The following FOXN3 variants were observed in gnomAD, a reference collection of about 807,000 sequenced individuals.
The protein encoded by FOXN3 is forkhead box N3.
A neutral mutation model predicts 38.4 loss-of-function variants in FOXN3; 7 were observed. That is an observed-to-expected ratio of 0.18 (90% CI 0.10 to 0.34). FOXN3 has a LOEUF of 0.34. Ranked by LOEUF, FOXN3 falls within the 10% of genes least tolerant of loss-of-function variation. The pLI is 1.00. For synonymous variants in FOXN3, 230 were observed against 242.2 expected (o/e 0.95, Z 0.47); for missense variants, 456 against 613.4 (o/e 0.74, Z 2.71).
intron 4 of FOXN3, among the ~76,000 whole-genome samples, chr14:89,231,363 C>T (rs1259110349): frequency 1.3e-5 from 2 of 152,172 alleles, no homozygotes; most frequent in African/African-American, 2.4e-5. Flanking sequence ...CCAAGAGAGA[C>T]ACTAGCTGGC....
chr14:89,171,852 C>T (rs375445129), intron 5 of FOXN3, among the ~76,000 whole-genome samples: 16 of 152,190 alleles, frequency 1.1e-4, no homozygotes, highest in African/African-American at 3.4e-4. Context: ...GTTATCATAA[C>T]TTCTATTCAG....
intron 1 of FOXN3, among the ~76,000 whole-genome samples, chr14:89,489,998 C>T (rs894074265): frequency 4.6e-5 from 7 of 152,220 alleles, no homozygotes; most frequent in Non-Finnish European, 5.9e-5. Context: ...AGGAGTAAAA[C>T]GTAATGCCAA....
At chr14:89,516,052 A>G (rs1301791475) in intron 1 of FOXN3, among the ~76,000 whole-genome samples, 1 of 152,212 alleles carries the variant, frequency 6.6e-6, no homozygotes, top group Non-Finnish European at 1.5e-5. Flanking sequence ...GAAAAAAGCA[A>G]TTAAACATTC....
chr14:89,416,152 A>C (rs1303341018), intron 1 of FOXN3, among the ~76,000 whole-genome samples: 1 of 152,002 alleles, frequency 6.6e-6, no homozygotes, highest in Non-Finnish European at 1.5e-5. Flanking sequence ...CACGCGCTTC[A>C]CTCTCGTCTA....
chr14:89,234,281 G>A (rs1281156221), intron 4 of FOXN3, among the ~76,000 whole-genome samples: 1 of 152,218 alleles, frequency 6.6e-6, no homozygotes, highest in Non-Finnish European at 1.5e-5. Flanking sequence ...GAGGCTAGAA[G>A]TCCAAAATCA....
intron 4 of FOXN3, among the ~76,000 whole-genome samples, chr14:89,198,052 C>T (rs1456430812): frequency 6.6e-6 from 1 of 152,142 alleles, no homozygotes; most frequent in Admixed American, 6.5e-5. Context: ...GGGTTCTGTA[C>T]CTGTGGTTTC....
At chr14:89,600,027 C>G (rs1896127233) in intron 1 of FOXN3, among the ~76,000 whole-genome samples, 1 of 152,228 alleles carries the variant, frequency 6.6e-6, no homozygotes, top group African/African-American at 2.4e-5. Context: ...CCCACCAACC[C>G]AGATCTTGGT....
chr14:89,299,693 G>C (rs1423916401), intron 3 of FOXN3, among the ~76,000 whole-genome samples: 1 of 152,186 alleles, frequency 6.6e-6, no homozygotes, highest in Non-Finnish European at 1.5e-5. Flanking sequence ...GGACCAGGTG[G>C]CCAAGTCTGG....
In FOXN3 at chr14:89,602,446, T is replaced by G. The variant is rs144759201; in HGVS notation, c.-15+16582A>C. On this transcript the variant is annotated intron_variant, in intron 1 of 6. Transcript: ENST00000345097. Reference sequence around the variant, plus strand: ...CAGGCATTCAGAGGCTTAATTTTTTTAAAGCACACTGTGCATTCAAAACTG... The same window carrying G: ...CAGGCATTCAGAGGCTTAATTTTTTGAAAGCACACTGTGCATTCAAAACTG... Among the ~76,000 whole-genome samples the G allele has an allele frequency of 8.4e-3, 1,286 of 152,264 alleles. 14 individuals are homozygous for G. The highest frequency in any genetic ancestry group is 0.029 in the African/African-American group (1,208 of 41,554).
chr14:89,467,264 C>T (rs28367284), intron 1 of FOXN3, among the ~76,000 whole-genome samples: 11,849 of 152,158 alleles, frequency 0.078, 505 homozygotes, highest in Middle Eastern at 0.12. Flanking sequence ...CGCCTGTTCC[C>T]GGGGTGCGTG....
intron 1 of FOXN3, among the ~76,000 whole-genome samples, chr14:89,458,252 G>A (rs1420000740): frequency 6.6e-6 from 1 of 152,154 alleles, no homozygotes; most frequent in Middle Eastern, 3.2e-3. Flanking sequence ...AGTGTCTCTT[G>A]TCATCCGAAT....
At chr14:89,447,745 G>A (rs1365657349) in intron 1 of FOXN3, among the ~76,000 whole-genome samples, 1 of 150,642 alleles carries the variant, frequency 6.6e-6, no homozygotes, top group East Asian at 2.0e-4. Context: ...AGTCTGTTTT[G>A]CTTGACTTGT....
chr14:89,375,217 CT>C (rs1224078155), intron 2 of FOXN3, among the ~76,000 whole-genome samples: 1 of 152,112 alleles, frequency 6.6e-6, no homozygotes, highest in Non-Finnish European at 1.5e-5. Flanking sequence ...AGTCAAAATA[CT>C]TTCAATGGGT....
chr14:89,441,380 A>T (rs186104122), intron 1 of FOXN3, among the ~76,000 whole-genome samples: 158 of 152,230 alleles, frequency 1.0e-3, no homozygotes, highest in Middle Eastern at 6.8e-3. Context: ...TTTTCATACC[A>T]TTCACCTTAC....
chr14:89,596,086 T>G (rs1896050519), intron 1 of FOXN3, among the ~76,000 whole-genome samples: 1 of 152,168 alleles, frequency 6.6e-6, no homozygotes, highest in Non-Finnish European at 1.5e-5. Context: ...ATTGCTAGAT[T>G]CATACTACTA....
chr14:89,464,198 C>T (rs575410462), intron 1 of FOXN3, among the ~76,000 whole-genome samples: 9 of 152,302 alleles, frequency 5.9e-5, no homozygotes, highest in South Asian at 2.1e-4. Flanking sequence ...AATAAGGAAG[C>T]GTCACGTATA....
intron 3 of FOXN3, among the ~76,000 whole-genome samples, chr14:89,287,206 T>A (rs1405401967): frequency 6.6e-6 from 1 of 152,124 alleles, no homozygotes; most frequent in Non-Finnish European, 1.5e-5. Context: ...CAGACTGGAG[T>A]GCAGTGGTGT....
intron 3 of FOXN3, among the ~76,000 whole-genome samples, chr14:89,305,492 C>T (rs925919839): frequency 9.9e-5 from 15 of 152,190 alleles, no homozygotes; most frequent in South Asian, 2.1e-4. Context: ...GAATTTATCA[C>T]GTAAGTTATA....
At chr14:89,602,261 C>T (rs1219942878) in intron 1 of FOXN3, among the ~76,000 whole-genome samples, 6 of 151,044 alleles carry the variant, frequency 4.0e-5, no homozygotes, top group Admixed American at 6.6e-5. Flanking sequence ...TGCACTCCAG[C>T]CTGGGTGACA....
Sources: allele counts gnomAD v4.1 joint callset (sites outside exome capture counted in the v4.1 genomes callset), GRCh38; gene constraint gnomAD v4.1.1; transcripts MANE v1.5; gene names NCBI Gene and HGNC (gene_info 2026-07-23, HGNC 2026-07-21).